GRIK2: variants seen among roughly 807,000 people sequenced by gnomAD.
GRIK2 encodes glutamate ionotropic receptor kainate type subunit 2.
A neutral mutation model predicts 100.3 loss-of-function variants in GRIK2; 32 were observed. The ratio of observed to expected loss-of-function variants is 0.32; its 90% CI spans 0.24 to 0.43. The LOEUF is 0.43. Ranked by LOEUF, GRIK2 falls within the 20% of genes least tolerant of loss-of-function variation. GRIK2 has a pLI of 1.00. For missense variants in GRIK2, 843 were observed against 1,114.9 expected (o/e 0.76, Z 3.47); for synonymous variants, 417 against 389.4 (o/e 1.07, Z -0.83).
At chr6:101,743,641 C>T (rs971856952) in intron 7 of GRIK2, among the ~76,000 whole-genome samples, 1 of 152,028 alleles carries the variant, frequency 6.6e-6, no homozygotes, top group African/African-American at 2.4e-5. Context: ...CTTGTATTCT[C>T]CTTCTGGTCT....
intron 2 of GRIK2, among the ~76,000 whole-genome samples, chr6:101,503,859 G>A (rs532560754): frequency 6.6e-6 from 1 of 152,056 alleles, no homozygotes; most frequent in Non-Finnish European, 1.5e-5. Flanking sequence ...GATTGTAGAA[G>A]CAAACAAGAT....
Position 101,535,866 on chromosome 6 carries a change from TCACA to T in GRIK2, c.116-86077_116-86074del, listed in dbSNP as rs549013937. 5.3e-5 allele frequency among the ~76,000 whole-genome samples: 8 copies of T among 151,808 alleles called. No homozygotes were observed. The South Asian group carries it at 1.7e-3, about 31-fold the overall frequency. ...ACGAAGTATTGTGCAAATGTTTTGG[TCACA>T]CACACCTTAATGTTTAAACAAAACA... On this transcript the variant is annotated intron_variant, in intron 2 of 16. Transcript: ENST00000369134.
At chr6:102,004,956 T>TAA (rs1158554319) in intron 14 of GRIK2, among the ~76,000 whole-genome samples, 1 of 151,806 alleles carries the variant, frequency 6.6e-6, no homozygotes, top group Non-Finnish European at 1.5e-5. Context: ...ATTTCTGGCA[T>TAA]AAAAATATTT....
chr6:101,640,251 T>C (rs1393913376), intron 4 of GRIK2, among the ~76,000 whole-genome samples: 1 of 152,160 alleles, frequency 6.6e-6, no homozygotes. Context: ...ACATAGCTAA[T>C]TGTAGTAGGC....
intron 12 of GRIK2, among the ~76,000 whole-genome samples, chr6:101,896,862 C>A (rs146956532): frequency 6.6e-6 from 1 of 151,728 alleles, no homozygotes; most frequent in Non-Finnish European, 1.5e-5. Flanking sequence ...TAATAAGTTA[C>A]AGTTTATGGG....
chr6:101,836,370 T>A (rs588063), intron 10 of GRIK2, among the ~76,000 whole-genome samples: 106,793 of 151,814 alleles, frequency 0.7, 39,652 homozygotes, highest in East Asian at 0.99. Flanking sequence ...ACACCTGGCT[T>A]GATTGAATGG....
intron 7 of GRIK2, among the ~76,000 whole-genome samples, chr6:101,697,550 GTA>G (rs1352452199): frequency 3.9e-5 from 6 of 152,040 alleles, no homozygotes; most frequent in South Asian, 2.1e-4. Context: ...AAAATGATAT[GTA>G]TCATTTTTTC....
intron 14 of GRIK2, chr6:101,993,282 C>T (rs1035455510): frequency 1.3e-5 from 2 of 151,026 alleles, no homozygotes; most frequent in Non-Finnish European, 3.0e-5. Context: ...TATGATTAAT[C>T]TCTTCCATCT....
chr6:101,784,628 G>C (rs1779310879), intron 7 of GRIK2, among the ~76,000 whole-genome samples: 1 of 152,182 alleles, frequency 6.6e-6, no homozygotes, highest in African/African-American at 2.4e-5. Context: ...TGTTTCAAGG[G>C]AGAGACCTGG....
At chr6:101,483,017 G>A (rs1276930030) in intron 2 of GRIK2, among the ~76,000 whole-genome samples, 1 of 152,180 alleles carries the variant, frequency 6.6e-6, no homozygotes, top group East Asian at 1.9e-4. Flanking sequence ...TGTATTCAAT[G>A]TGTACTTTTA....
At chr6:101,935,930 G>A (rs978833618) in intron 14 of GRIK2, among the ~76,000 whole-genome samples, 1 of 151,952 alleles carries the variant, frequency 6.6e-6, no homozygotes, top group Non-Finnish European at 1.5e-5. Context: ...ATATACTTAG[G>A]CTTCTAAGCC....
intron 3 of GRIK2, among the ~76,000 whole-genome samples, chr6:101,623,553 A>G (rs986281860): frequency 1.3e-5 from 2 of 152,122 alleles, no homozygotes; most frequent in African/African-American, 4.8e-5. Context: ...AGTGCAGTAT[A>G]GATAAAATAT....
intron 11 of GRIK2, among the ~76,000 whole-genome samples, chr6:101,883,510 A>C (rs1786410133): frequency 6.6e-6 from 1 of 152,060 alleles, no homozygotes; most frequent in South Asian, 2.1e-4. Context: ...AAAGACTGAC[A>C]AGTGACAATG....
intron 11 of GRIK2, chr6:101,860,859 A>T: frequency 2.0e-6 from 1 of 508,462 alleles, no homozygotes; most frequent in Non-Finnish European, 2.5e-6. Flanking sequence ...CAGTTGTTTT[A>T]GGGGCTTTGG....
At chr6:101,964,530 C>T (rs1264977347) in intron 14 of GRIK2, among the ~76,000 whole-genome samples, 1 of 152,058 alleles carries the variant, frequency 6.6e-6, no homozygotes, top group African/African-American at 2.4e-5. Context: ...GCTAGGCAGC[C>T]TAATGTCTAG....
At chr6:101,630,536 C>A (rs563383518) in intron 4 of GRIK2, among the ~76,000 whole-genome samples, 63 of 152,080 alleles carry the variant, frequency 4.1e-4, no homozygotes, top group African/African-American at 1.4e-3. Flanking sequence ...TGTTCCTGTC[C>A]TTTGCTTACT....
chr6:101,878,141 A>G (rs1785995049), intron 11 of GRIK2, among the ~76,000 whole-genome samples: 1 of 147,646 alleles, frequency 6.8e-6, no homozygotes, highest in African/African-American at 2.5e-5. Flanking sequence ...TAATGTACTG[A>G]ATAAATGTTA....
At chr6:101,766,629 A>G (rs746667094) in intron 7 of GRIK2, among the ~76,000 whole-genome samples, 7 of 152,176 alleles carry the variant, frequency 4.6e-5, no homozygotes, top group Admixed American at 1.3e-4. Flanking sequence ...TTTATGGCCA[A>G]ATGACTTCTG....
At chr6:101,789,155 T>C (rs1184020785) in intron 7 of GRIK2, among the ~76,000 whole-genome samples, 2 of 152,168 alleles carry the variant, frequency 1.3e-5, no homozygotes, top group Non-Finnish European at 2.9e-5. Context: ...ATTTTGTAGG[T>C]TGCCTGTTCA....
Sources: gnomAD v4.1 joint callset for allele counts (sites outside exome capture counted in the v4.1 genomes callset) on GRCh38, gnomAD v4.1.1 for gene constraint, MANE v1.5 for transcripts, NCBI Gene and HGNC (gene_info 2026-07-23, HGNC 2026-07-21) for gene names.